The following TUSC3 variants were observed in gnomAD, a reference collection of about 807,000 sequenced individuals.
The protein encoded by TUSC3 is tumor suppressor candidate 3.
In TUSC3, 45 loss-of-function variants were observed where a neutral mutation model predicts 44.8. The ratio of observed to expected loss-of-function variants is 1.00; its 90% CI spans 0.79 to 1.29. The LOEUF is 1.29. TUSC3 is among the 50% of genes most tolerant of loss of function. The probability of loss-of-function intolerance (pLI) is 0.00; values close to 1 mark genes in which losing one functional copy is unlikely to be tolerated. For synonymous variants in TUSC3, 212 were observed against 152.9 expected, an observed-to-expected ratio of 1.39 and a Z score of -2.85; for missense variants, 519 against 437.9, an observed-to-expected ratio of 1.19 and a Z score of -1.65.
At position 15,695,261 on chromosome 8, in the gene TUSC3, C is replaced by A. The variant is rs188706028; in HGVS notation, c.798+21425C>A. 1.6e-4 allele frequency among the ~76,000 whole-genome samples: 25 copies of A among 152,276 alleles called. No homozygotes were observed. The East Asian group carries it at 3.7e-3, about 22-fold the overall frequency. On this transcript the variant is annotated intron_variant, in intron 6 of 10. Transcript: ENST00000503731. ...GGGACCCAGTGGGAGGTAATTGAAT[C>A]ATGGGGGTAGGTCTTTATCATGCTT... is the stretch of plus-strand genomic sequence containing the variant.
At chr8:15,459,252 G>C (rs1256942609) in intron 1 of TUSC3, among the ~76,000 whole-genome samples, 2 of 152,050 alleles carry the variant, frequency 1.3e-5, no homozygotes, top group African/African-American at 4.8e-5. Flanking sequence ...TCCAATAATG[G>C]TGTTGACTGT....
chr8:15,617,993 C>T (rs1021813575), intron 1 of TUSC3, among the ~76,000 whole-genome samples: 13 of 151,990 alleles, frequency 8.6e-5, no homozygotes, highest in East Asian at 1.9e-4. Flanking sequence ...TGTAGGCAGT[C>T]GTAACACAAT....
chr8:15,663,058 C>T (rs1012055870), intron 5 of TUSC3, among the ~76,000 whole-genome samples: 2 of 151,824 alleles, frequency 1.3e-5, no homozygotes, highest in African/African-American at 4.8e-5. Context: ...CAGCAGTTCC[C>T]AGCTCACAGC....
the TUSC3 span, among the ~76,000 whole-genome samples, chr8:15,774,401 A>G: frequency 1.3e-5 from 2 of 152,280 alleles, no homozygotes; most frequent in Middle Eastern, 3.4e-3. Context: ...GAAGCCATGT[A>G]TGGACAGATA....
chr8:15,647,541 C>A (rs1157139709), intron 2 of TUSC3, among the ~76,000 whole-genome samples: 1 of 152,156 alleles, frequency 6.6e-6, no homozygotes, highest in Admixed American at 6.5e-5. Flanking sequence ...GTATTGGTTG[C>A]ATCATAGCTT....
At chr8:15,758,160 G>T in intron 10 of TUSC3, 3 of 1,090,766 alleles carry the variant, frequency 2.8e-6, no homozygotes, top group Admixed American at 4.6e-5. Context: ...AGGGAAAAAA[G>T]GCAGTCAACA....
intron 1 of TUSC3, among the ~76,000 whole-genome samples, chr8:15,605,862 A>G (rs1200720803): frequency 1.3e-5 from 2 of 152,034 alleles, no homozygotes; most frequent in African/African-American, 4.8e-5. Flanking sequence ...GGCTACTGTC[A>G]TAACTTCGTA....
the TUSC3 span, chr8:15,806,257 G>C: frequency 1.7e-6 from 1 of 585,238 alleles, no homozygotes; most frequent in South Asian, 1.7e-5. Context: ...TCACCTCCAG[G>C]TGGCAGTCTG....
At chr8:15,745,005 A>G (rs904445658) in intron 8 of TUSC3, among the ~76,000 whole-genome samples, 8 of 152,010 alleles carry the variant, frequency 5.3e-5, no homozygotes, top group African/African-American at 1.4e-4. Context: ...TATGTACACA[A>G]TGTTTAGCTC....
chr8:15,648,436 T>C (rs1166793423), intron 2 of TUSC3, among the ~76,000 whole-genome samples: 2 of 152,052 alleles, frequency 1.3e-5, no homozygotes, highest in Non-Finnish European at 2.9e-5. Context: ...CCTTAAAGAA[T>C]AAGACGTTGG....
At chr8:15,600,728 G>C (rs1804251204) in intron 1 of TUSC3, among the ~76,000 whole-genome samples, 1 of 151,540 alleles carries the variant, frequency 6.6e-6, no homozygotes, top group Non-Finnish European at 1.5e-5. Flanking sequence ...TTCTCTTCTT[G>C]CACCCTCTCA....
At chr8:15,797,803 G>C in the TUSC3 span, among the ~76,000 whole-genome samples, 3 of 152,348 alleles carry the variant, frequency 2.0e-5, no homozygotes, top group Non-Finnish European at 2.9e-5. Context: ...CTATCAATCT[G>C]TGTAATGAAT....
At chr8:15,726,190 A>G (rs1264672804) in intron 6 of TUSC3, among the ~76,000 whole-genome samples, 1 of 152,182 alleles carries the variant, frequency 6.6e-6, no homozygotes, top group African/African-American at 2.4e-5. Flanking sequence ...GGTTTATTTC[A>G]CATACTGATA....
At chr8:15,552,180 G>A (rs190761475) in intron 1 of TUSC3, among the ~76,000 whole-genome samples, 1 of 151,790 alleles carries the variant, frequency 6.6e-6, no homozygotes, top group Non-Finnish European at 1.5e-5. Flanking sequence ...ATTGATGTAA[G>A]CAATACAAAA....
At chr8:15,612,532 G>C (rs1804808099) in intron 1 of TUSC3, among the ~76,000 whole-genome samples, 1 of 152,100 alleles carries the variant, frequency 6.6e-6, no homozygotes, top group East Asian at 1.9e-4. Context: ...GTCATAATTT[G>C]GAGACTGGTA....
At chr8:15,790,334 T>C in the TUSC3 span, among the ~76,000 whole-genome samples, 1 of 151,878 alleles carries the variant, frequency 6.6e-6, no homozygotes, top group African/African-American at 2.4e-5. Flanking sequence ...TACAGGCACA[T>C]GCCACCACTC....
intron 1 of TUSC3, among the ~76,000 whole-genome samples, chr8:15,552,842 G>C (rs1316518522): frequency 6.6e-6 from 1 of 151,702 alleles, no homozygotes; most frequent in African/African-American, 2.4e-5. Context: ...GTGGAGAATA[G>C]CTTAGGTGGG....
At chr8:15,521,519 G>C (rs927209798) in intron 2 of TUSC3, among the ~76,000 whole-genome samples, 2 of 152,126 alleles carry the variant, frequency 1.3e-5, no homozygotes, top group Non-Finnish European at 2.9e-5. Flanking sequence ...ATCCCATCCA[G>C]GGTGACCAAT....
chr8:15,539,345 C>CTTTTTTTTTTTTT (rs35685582), upstream of TUSC3, among the ~76,000 whole-genome samples: 6 of 69,396 alleles, frequency 8.6e-5, no homozygotes, highest in East Asian at 5.0e-4. Flanking sequence ...TGCTATGGTT[C>CTTTTTTTTTTTTT]TTTTTTTTTT....
Sources: gnomAD v4.1 joint callset for allele counts (sites outside exome capture counted in the v4.1 genomes callset) on GRCh38, gnomAD v4.1.1 for gene constraint, MANE v1.5 for transcripts, NCBI Gene and HGNC (gene_info 2026-07-23, HGNC 2026-07-21) for gene names.